Variants in CACNG2 observed in about 807,000 individuals in gnomAD.
CACNG2 encodes calcium voltage-gated channel auxiliary subunit gamma 2.
A neutral mutation model predicts 25.9 loss-of-function variants in CACNG2; 3 were observed. The observed-to-expected ratio is 0.12, with a 90% confidence interval of 0.05 to 0.30. CACNG2 has a LOEUF of 0.30. Among genes scored for constraint, CACNG2 ranks in the 10% least tolerant of loss-of-function variants. CACNG2 has a pLI of 1.00. For missense variants in CACNG2, 341 were observed against 432.5 expected, an observed-to-expected ratio of 0.79 and a Z score of 1.88; for synonymous variants, 167 against 173.3, an observed-to-expected ratio of 0.96 and a Z score of 0.29.
intron 1 of CACNG2, among the ~76,000 whole-genome samples, chr22:36,700,848 T>C (rs1239084869): frequency 6.6e-6 from 1 of 152,200 alleles, no homozygotes; most frequent in Non-Finnish European, 1.5e-5. Context: ...AAATGCAGTA[T>C]GCGTCAAATA....
chr22:36,644,417 T>C (rs1936488371), intron 1 of CACNG2, among the ~76,000 whole-genome samples: 1 of 152,222 alleles, frequency 6.6e-6, no homozygotes, highest in Non-Finnish European at 1.5e-5. Flanking sequence ...GGCCAGTAGT[T>C]GGAAGATGCT....
chr22:36,673,743 T>G (rs184347953), intron 1 of CACNG2, among the ~76,000 whole-genome samples: 12 of 152,234 alleles, frequency 7.9e-5, no homozygotes, highest in Admixed American at 2.0e-4. Flanking sequence ...GTTCCTGCCT[T>G]GATATGAGGC....
chr22:36,620,367 C>T (rs188714550), intron 1 of CACNG2, among the ~76,000 whole-genome samples: 3 of 152,362 alleles, frequency 2.0e-5, no homozygotes, highest in South Asian at 2.1e-4. Context: ...TAGCAAAACT[C>T]ATGCCCCAGA....
At chr22:36,675,950 T>C (rs780204991) in intron 1 of CACNG2, among the ~76,000 whole-genome samples, 76 of 152,348 alleles carry the variant, frequency 5.0e-4, no homozygotes, top group Non-Finnish European at 9.1e-4. Flanking sequence ...AGCCTCATGA[T>C]GACCCTATGA....
chr22:36,687,964 C>T (rs2146010861), intron 1 of CACNG2, among the ~76,000 whole-genome samples: 1 of 152,304 alleles, frequency 6.6e-6, no homozygotes, highest in East Asian at 1.9e-4. Context: ...GTTAGACTTC[C>T]AACATCCAGA....
At chr22:36,576,992 T>G (rs547160832) in intron 2 of CACNG2, among the ~76,000 whole-genome samples, 23 of 152,152 alleles carry the variant, frequency 1.5e-4, no homozygotes, top group Non-Finnish European at 3.1e-4. Context: ...CATCCCTGCT[T>G]CCTGCTGTCA....
Position 36,606,670 on chromosome 22 carries a change from G to C in CACNG2, c.212-19122C>G, listed in dbSNP as rs1294188707. On this transcript the variant is annotated intron_variant, in intron 1 of 3. Transcript: ENST00000300105. This position sits in a 1 kb window ranked among gnomAD's most constrained non-coding sequence, Gnocchi z 5.7. Reference sequence around the variant, plus strand: ...GAGGGCAGGGAGGTGTTTGAGAGAAGAGCAAGTGAGGGCCAACCAGAGAGA... The same window carrying C: ...GAGGGCAGGGAGGTGTTTGAGAGAACAGCAAGTGAGGGCCAACCAGAGAGA... Among the ~76,000 whole-genome samples the C allele has an allele frequency of 6.6e-6, 1 of 152,130 alleles. No individual in the cohort carries two copies. Among genetic ancestry groups the C allele is most frequent in the Non-Finnish European group, 1.5e-5 (1 of 68,008 alleles).
chr22:36,692,673 T>G (rs1399197627), intron 1 of CACNG2, among the ~76,000 whole-genome samples: 1 of 152,216 alleles, frequency 6.6e-6, no homozygotes, highest in African/African-American at 2.4e-5. Context: ...AGGCCCCATC[T>G]CTTTATTTGT....
intron 2 of CACNG2, among the ~76,000 whole-genome samples, chr22:36,583,609 C>T (rs987068930): frequency 7.9e-5 from 12 of 152,294 alleles, no homozygotes; most frequent in Non-Finnish European, 1.5e-4. Flanking sequence ...ATCCTGAAAT[C>T]TGTTCCCTGC....
intron 1 of CACNG2, among the ~76,000 whole-genome samples, chr22:36,642,027 T>C (rs1490741423): frequency 1.3e-5 from 2 of 152,162 alleles, no homozygotes; most frequent in Non-Finnish European, 2.9e-5. Context: ...CTGGTTGGAA[T>C]TGCTGTTTAT....
chr22:36,664,418 C>A (rs1936845151), intron 1 of CACNG2, among the ~76,000 whole-genome samples: 1 of 152,244 alleles, frequency 6.6e-6, no homozygotes, highest in South Asian at 2.1e-4. Flanking sequence ...TTCTCTAAAG[C>A]TTACGCTCAT....
Position 36,601,858 on chromosome 22 carries a change from G to T in CACNG2, c.212-14310C>A, listed in dbSNP as rs1204925156. Among the ~76,000 whole-genome samples, 3 of 152,136 alleles carry T rather than the reference G, an allele frequency of 2.0e-5. No individual in the cohort carries two copies. In the East Asian group the frequency reaches 5.8e-4, roughly 29 times the overall value. On this transcript the variant is annotated intron_variant, in intron 1 of 3. Transcript: ENST00000300105. ...CAGAAGACATATTGCTGGGTCATATGGGAGTTCTATTTTTATTTTTTTTTG... is the reference window on the plus strand; with the variant it reads ...CAGAAGACATATTGCTGGGTCATATTGGAGTTCTATTTTTATTTTTTTTTG...
chr22:36,643,528 C>CT (rs1449245178), intron 1 of CACNG2, among the ~76,000 whole-genome samples: 17 of 151,394 alleles, frequency 1.1e-4, no homozygotes, highest in Admixed American at 1.1e-3. Flanking sequence ...ATCTATCCAT[C>CT]ATGTGCAGTG....
chr22:36,584,959 C>G (rs565712553), intron 2 of CACNG2: 2 of 152,522 alleles, frequency 1.3e-5, no homozygotes, highest in East Asian at 3.9e-4. Context: ...CTCTGCCCAC[C>G]TCTGGGAGCC....
At chr22:36,623,312 T>A (rs1936137112) in intron 1 of CACNG2, among the ~76,000 whole-genome samples, 1 of 152,076 alleles carries the variant, frequency 6.6e-6, no homozygotes, top group East Asian at 1.9e-4. Flanking sequence ...TGAGCCACCA[T>A]GCCCAGTCCA....
At chr22:36,628,491 G>A (rs1157477039) in intron 1 of CACNG2, among the ~76,000 whole-genome samples, 3 of 152,340 alleles carry the variant, frequency 2.0e-5, no homozygotes, top group South Asian at 2.1e-4. Flanking sequence ...AGCCCCAGAA[G>A]TCCCCTCTTA....
At chr22:36,668,656 T>C (rs557544799) in intron 1 of CACNG2, among the ~76,000 whole-genome samples, 2 of 152,114 alleles carry the variant, frequency 1.3e-5, no homozygotes, top group East Asian at 3.9e-4. Flanking sequence ...TCCTGGCTAA[T>C]TTTATTTTAT....
chr22:36,575,812 T>G (rs1384051017), intron 2 of CACNG2, among the ~76,000 whole-genome samples: 1 of 152,202 alleles, frequency 6.6e-6, no homozygotes, highest in African/African-American at 2.4e-5. Context: ...TAATCAGGTA[T>G]GTAGCGGGCA....
chr22:36,670,317 C>T (rs1936930999), intron 1 of CACNG2, among the ~76,000 whole-genome samples: 1 of 152,094 alleles, frequency 6.6e-6, no homozygotes, highest in Admixed American at 6.5e-5. Context: ...CTTTTGGGAC[C>T]TAACAAGTTA....
Sources: allele counts gnomAD v4.1 joint callset (sites outside exome capture counted in the v4.1 genomes callset), GRCh38; gene constraint gnomAD v4.1.1; non-coding constraint Gnocchi (gnomAD v3.1); transcripts MANE v1.5; gene names NCBI Gene and HGNC (gene_info 2026-07-23, HGNC 2026-07-21).